The following WWTR1 variants were observed in gnomAD, a reference collection of about 807,000 sequenced individuals.
The protein encoded by WWTR1 is WW domain containing transcription regulator 1.
Under a neutral mutation model 40.1 loss-of-function variants are expected in WWTR1, and 13 were observed. That is an observed-to-expected ratio of 0.32 (90% confidence interval 0.21 to 0.52). The LOEUF (loss-of-function observed/expected upper bound fraction) is 0.52. Among genes scored for constraint, WWTR1 ranks in the 20% least tolerant of loss-of-function variants. WWTR1 has a pLI of 0.97. For missense variants in WWTR1, 436 were observed against 523.1 expected (o/e 0.83, Z 1.63); for synonymous variants, 230 against 210.1 (o/e 1.09, Z -0.82).
intron 2 of WWTR1, among the ~76,000 whole-genome samples, chr3:149,595,704 C>A (rs1249192894): frequency 6.6e-6 from 1 of 152,074 alleles, no homozygotes; most frequent in African/African-American, 2.4e-5. Flanking sequence ...CAGTAGAATT[C>A]CTCCCAAATT....
intron 1 of WWTR1, among the ~76,000 whole-genome samples, chr3:149,679,229 A>G (rs1344178969): frequency 6.6e-6 from 1 of 152,224 alleles, no homozygotes; most frequent in Non-Finnish European, 1.5e-5. Context: ...TGGGTTGGCG[A>G]TGAGCATTTT....
chr3:149,687,657 G>A (rs1714697480), intron 1 of WWTR1, among the ~76,000 whole-genome samples: 1 of 152,222 alleles, frequency 6.6e-6, no homozygotes, highest in African/African-American at 2.4e-5. Flanking sequence ...GCTTTTAGGT[G>A]TGACCCAGTA....
chr3:149,530,024 A>G (rs764875950), intron 4 of WWTR1, among the ~76,000 whole-genome samples: 3 of 152,164 alleles, frequency 2.0e-5, no homozygotes, highest in African/African-American at 4.8e-5. Flanking sequence ...ATTCCTTTGT[A>G]TTGAAAAAAC....
chr3:149,604,657 G>A (rs967440074), intron 2 of WWTR1, among the ~76,000 whole-genome samples: 2 of 152,216 alleles, frequency 1.3e-5, no homozygotes, highest in African/African-American at 4.8e-5. Context: ...GCTGCTCAGT[G>A]TTTCTCTGTA....
intron 5 of WWTR1, among the ~76,000 whole-genome samples, chr3:149,714,482 C>CT (rs1469297952): frequency 6.6e-6 from 1 of 152,248 alleles, no homozygotes. Context: ...CTGTTGCAGC[C>CT]TGGCTGGGTG....
At chr3:149,717,396 A>C (rs1715640079) in intron 5 of WWTR1, 1 of 152,200 alleles carries the variant, frequency 6.6e-6, no homozygotes, top group Non-Finnish European at 1.5e-5. Context: ...AATTCTTTTG[A>C]TTGTGCAGAT....
At chr3:149,556,459 G>C (rs1736830105) in intron 3 of WWTR1, among the ~76,000 whole-genome samples, 1 of 152,134 alleles carries the variant, frequency 6.6e-6, no homozygotes, top group Non-Finnish European at 1.5e-5. Context: ...CGCGCCTGTA[G>C]TCCCAGCTAC....
intron 2 of WWTR1, among the ~76,000 whole-genome samples, chr3:149,612,910 C>G (rs1008991301): frequency 1.3e-5 from 2 of 152,164 alleles, no homozygotes; most frequent in Middle Eastern, 3.2e-3. Context: ...ATGTTTTATT[C>G]CTTTACCTGC....
chr3:149,579,048 G>A (rs565205761), intron 2 of WWTR1, among the ~76,000 whole-genome samples: 97 of 152,276 alleles, frequency 6.4e-4, no homozygotes, highest in Non-Finnish European at 1.2e-3. Flanking sequence ...ATTGCTGGAA[G>A]CATACAAAGA....
In WWTR1 at chr3:149,518,472, T is replaced by C. The variant is rs984492362; in HGVS notation, c.*2333A>G. 6.6e-6 allele frequency: 1 copy of C among 152,076 alleles called. No homozygotes were observed. Among genetic ancestry groups the C allele is most frequent in the Non-Finnish European group, 1.5e-5 (1 of 68,030 alleles). The allele number at this position is 152,076 out of a possible 1,614,324, so 9.4% of individuals were successfully genotyped here. On this transcript the variant is annotated 3_prime_UTR_variant, in exon 7 of 7. Transcript: ENST00000360632. ...TAATTTTTTATTTATTTATTTATTT[T>C]TAGCAAGAATGTACAATTCTTTTTG...
In WWTR1 at chr3:149,619,201, G is replaced by A. The variant is rs545355895; in HGVS notation, c.431+37675C>T. Among the ~76,000 whole-genome samples, 26 of 152,206 alleles carry A rather than the reference G, an allele frequency of 1.7e-4. No individual in the cohort carries two copies. The South Asian group carries it at 5.2e-3, about 30-fold the overall frequency. On this transcript the variant is annotated intron_variant, in intron 2 of 6. Coordinates refer to ENST00000360632, the MANE Select transcript of WWTR1 (RefSeq NM_015472.6). ...AGAGGCAGGGAGTATGGACACTCCT[G>A]AAGGCAATCCTATGAGGAGCCCCCT...
At chr3:149,614,875 C>T (rs190022749) in intron 2 of WWTR1, among the ~76,000 whole-genome samples, 11 of 151,940 alleles carry the variant, frequency 7.2e-5, no homozygotes, top group African/African-American at 2.4e-4. Flanking sequence ...CCCAGCTACT[C>T]GGGAGGCTGA....
intron 2 of WWTR1, among the ~76,000 whole-genome samples, chr3:149,586,314 T>A (rs932626995): frequency 1.3e-5 from 2 of 152,150 alleles, no homozygotes; most frequent in African/African-American, 4.8e-5. Flanking sequence ...TGTTTCTAAA[T>A]GATCCCTCAG....
intron 1 of WWTR1, among the ~76,000 whole-genome samples, chr3:149,693,919 C>A (rs922472406): frequency 6.6e-6 from 1 of 152,092 alleles, no homozygotes; most frequent in East Asian, 1.9e-4. Flanking sequence ...AACTATAAAA[C>A]AACTAAAAGA....
intron 3 of WWTR1, among the ~76,000 whole-genome samples, chr3:149,557,186 T>A (rs2107966909): frequency 6.8e-6 from 1 of 147,780 alleles, no homozygotes; most frequent in East Asian, 2.1e-4. Context: ...TTCTCTTACC[T>A]CAGCCTCCCA....
At chr3:149,669,230 A>G (rs1438141975) in intron 2 of WWTR1, among the ~76,000 whole-genome samples, 10 of 152,178 alleles carry the variant, frequency 6.6e-5, no homozygotes, top group Non-Finnish European at 1.5e-5. Flanking sequence ...ATACCCCCAC[A>G]TATACAAGAA....
chr3:149,533,283 C>T (rs1188723805), intron 4 of WWTR1, among the ~76,000 whole-genome samples: 2 of 152,206 alleles, frequency 1.3e-5, no homozygotes, highest in Non-Finnish European at 2.9e-5. Context: ...GCATCCAGGT[C>T]CCTACCCAAC....
upstream of WWTR1, among the ~76,000 whole-genome samples, chr3:149,706,390 C>T (rs1715337440): frequency 6.6e-6 from 1 of 151,942 alleles, no homozygotes; most frequent in Admixed American, 6.6e-5. Context: ...GTGATCTCGG[C>T]TCACCACAAC....
In WWTR1 at chr3:149,570,569, AAATAATAAT is replaced by A. The variant is rs71135699; in HGVS notation, c.568+2286_568+2294del. 2.2e-3 allele frequency among the ~76,000 whole-genome samples: 329 copies of A among 146,486 alleles called. 1 individual carries two copies. Among genetic ancestry groups the A allele is most frequent in the Middle Eastern group, 3.7e-3 (1 of 272 alleles). ...GATGACAGGGTGAGCCTCTTTCTCA[AAATAATAAT>A]AATAATAATAATAATAATAATAATA... is the stretch of plus-strand genomic sequence containing the variant. On this transcript the variant is annotated intron_variant, in intron 3 of 6. Coordinates refer to ENST00000360632, the MANE Select transcript of WWTR1 (RefSeq NM_015472.6).
Sources: allele counts gnomAD v4.1 joint callset (sites outside exome capture counted in the v4.1 genomes callset), GRCh38; gene constraint gnomAD v4.1.1; transcripts MANE v1.5; gene names NCBI Gene and HGNC (gene_info 2026-07-23, HGNC 2026-07-21).